PIP5K1B: variants seen among roughly 807,000 people sequenced by gnomAD.
The protein encoded by PIP5K1B is phosphatidylinositol 4-phosphate 5-kinase type-1 beta.
Under a neutral mutation model 67.0 loss-of-function variants are expected in PIP5K1B, and 42 were observed. The observed-to-expected ratio is 0.63, with a 90% CI of 0.49 to 0.81. The LOEUF (loss-of-function observed/expected upper bound fraction) is 0.81, where lower values mean the gene tolerates loss of function less well. Ranked by LOEUF, PIP5K1B falls within the 30% of genes least tolerant of loss-of-function variation. The pLI is 0.00. For missense variants in PIP5K1B, 459 were observed against 646.3 expected (o/e 0.71, Z 3.14); for synonymous variants, 214 against 231.4 (o/e 0.92, Z 0.68).
intron 14 of PIP5K1B, among the ~76,000 whole-genome samples, chr9:68,981,127 G>C (rs574447732): frequency 9.3e-4 from 142 of 152,278 alleles, no homozygotes; most frequent in Admixed American, 1.5e-3. Context: ...ACAAAGTAGA[G>C]ATAAAAGTTG....
In PIP5K1B at chr9:68,940,629, G is replaced by T; in HGVS notation, c.1358-17G>T. The T allele has an allele frequency of 6.2e-7, 1 of 1,611,716 alleles. No homozygotes were observed. Among genetic ancestry groups the T allele is most frequent in the Non-Finnish European group, 8.5e-7 (1 of 1,178,332 alleles). ...ATCCTTGAGATTCATGAATGTGTGT[G>T]TTGCTTTCGTTCCTAGCCCTGGGAT... On this transcript the variant is annotated splice_polypyrimidine_tract_variant and intron_variant, in intron 13 of 15. Coordinates refer to ENST00000265382, the MANE Select transcript of PIP5K1B (RefSeq NM_003558.4).
At chr9:68,903,491 T>A (rs963299957) in intron 8 of PIP5K1B, among the ~76,000 whole-genome samples, 2 of 152,202 alleles carry the variant, frequency 1.3e-5, no homozygotes, top group Non-Finnish European at 2.9e-5. Context: ...ATCCTCTCAG[T>A]TTTTATTTAG....
intron 4 of PIP5K1B, among the ~76,000 whole-genome samples, chr9:68,860,423 A>G (rs1324477932): frequency 6.6e-6 from 1 of 152,134 alleles, no homozygotes; most frequent in African/African-American, 2.4e-5. Context: ...GACATTAACG[A>G]TGGTGTTTGT....
At position 68,988,314 on chromosome 9, in the gene PIP5K1B, A is replaced by G. The variant is rs193113655; in HGVS notation, c.1503-2826A>G. Among the ~76,000 whole-genome samples the G allele has an allele frequency of 5.8e-3, 872 of 151,498 alleles. 8 individuals are homozygous for G. Among genetic ancestry groups the G allele is most frequent in the African/African-American group, 0.019 (789 of 41,450 alleles). On this transcript the variant is annotated intron_variant, in intron 14 of 15. Transcript: ENST00000265382. ...ACACTTCCGGAATATTCTTTTATAT[A>G]TAAGAGCTTCCAGAATATTCTTTTA...
chr9:68,770,916 A>G (rs770400604), intron 2 of PIP5K1B, among the ~76,000 whole-genome samples: 16 of 152,232 alleles, frequency 1.1e-4, no homozygotes, highest in Non-Finnish European at 2.2e-4. Flanking sequence ...GTAAGTAACT[A>G]TATATGACAG....
Position 68,721,947 on chromosome 9 carries a change from T to C in PIP5K1B, c.-243+16185T>C, listed in dbSNP as rs145987661. Among the ~76,000 whole-genome samples, 34 of 152,286 alleles carry C rather than the reference T, an allele frequency of 2.2e-4. No individual in the cohort carries two copies. The East Asian group carries it at 6.4e-3, about 29-fold the overall frequency. The stretch of plus-strand genomic sequence containing the variant: ...TTAAGGAAATGGCATCAGATTTTCA[T>C]GATAGCATGTACAGCCTACTGTTTC... On this transcript the variant is annotated intron_variant, in intron 1 of 15. Coordinates refer to ENST00000265382, the MANE Select transcript of PIP5K1B (RefSeq NM_003558.4).
chr9:68,786,872 A>G (rs1831649261), intron 2 of PIP5K1B, among the ~76,000 whole-genome samples: 1 of 152,196 alleles, frequency 6.6e-6, no homozygotes, highest in African/African-American at 2.4e-5. Context: ...CATACCCTCC[A>G]CGGTAACCAT....
chr9:68,773,352 T>C (rs1425973900), intron 2 of PIP5K1B, among the ~76,000 whole-genome samples: 6 of 151,150 alleles, frequency 4.0e-5, no homozygotes, highest in Non-Finnish European at 7.4e-5. Context: ...CCTAGGAGGG[T>C]TTTAATGTCA....
chr9:68,958,214 T>C (rs547234129), intron 14 of PIP5K1B, among the ~76,000 whole-genome samples: 1 of 152,196 alleles, frequency 6.6e-6, no homozygotes, highest in South Asian at 2.1e-4. Flanking sequence ...ATATAATGGG[T>C]AGAATATCCT....
intron 4 of PIP5K1B, among the ~76,000 whole-genome samples, chr9:68,838,258 AT>A (rs1158639864): frequency 6.6e-6 from 1 of 151,538 alleles, no homozygotes; most frequent in Non-Finnish European, 1.5e-5. Flanking sequence ...GTAAATTATC[AT>A]TTTTCTCCTT....
chr9:68,844,595 G>A (rs537055048), intron 4 of PIP5K1B, among the ~76,000 whole-genome samples: 3 of 141,290 alleles, frequency 2.1e-5, no homozygotes, highest in East Asian at 4.0e-4. Flanking sequence ...GGGAGATCCA[G>A]TGGGGGAGAT....
At chr9:68,982,676 C>T (rs1459694973) in intron 14 of PIP5K1B, among the ~76,000 whole-genome samples, 3 of 151,886 alleles carry the variant, frequency 2.0e-5, no homozygotes, top group East Asian at 1.9e-4. Flanking sequence ...GCAGGAGAAT[C>T]GCTTAAGCCC....
At chr9:68,878,099 G>T (rs938638065) in intron 6 of PIP5K1B, among the ~76,000 whole-genome samples, 10 of 151,396 alleles carry the variant, frequency 6.6e-5, no homozygotes, top group South Asian at 2.1e-4. Flanking sequence ...ATTACTGAGG[G>T]TTGCCATCAT....
At chr9:68,966,173 A>C (rs1829022197) in intron 14 of PIP5K1B, among the ~76,000 whole-genome samples, 1 of 152,162 alleles carries the variant, frequency 6.6e-6, no homozygotes, top group East Asian at 1.9e-4. Context: ...GATTGAATAA[A>C]TAAATAAATG....
At chr9:69,008,106 G>T (rs1831171356) in intron 15 of PIP5K1B, among the ~76,000 whole-genome samples, 1 of 152,120 alleles carries the variant, frequency 6.6e-6, no homozygotes, top group African/African-American at 2.4e-5. Context: ...TGTTCTTTTT[G>T]GCTTCAGATC....
At chr9:68,778,279 G>A (rs1458194391) in intron 2 of PIP5K1B, among the ~76,000 whole-genome samples, 1 of 152,178 alleles carries the variant, frequency 6.6e-6, no homozygotes, top group Middle Eastern at 3.2e-3. Flanking sequence ...TCTATGCAGT[G>A]AGGATTAAGT....
chr9:68,757,458 A>G (rs1172750480), intron 2 of PIP5K1B, among the ~76,000 whole-genome samples: 1 of 152,066 alleles, frequency 6.6e-6, no homozygotes, highest in Non-Finnish European at 1.5e-5. Context: ...GAAGAGAACT[A>G]GGGGGCTTCA....
At chr9:68,711,610 G>A (rs151310675) in intron 1 of PIP5K1B, among the ~76,000 whole-genome samples, 3 of 152,032 alleles carry the variant, frequency 2.0e-5, no homozygotes, top group African/African-American at 7.2e-5. Context: ...ATTATTTTTC[G>A]AACCATTTTA....
intron 4 of PIP5K1B, among the ~76,000 whole-genome samples, chr9:68,833,263 G>A (rs1376767040): frequency 2.0e-5 from 3 of 152,258 alleles, no homozygotes. Flanking sequence ...CCCTAAGGAG[G>A]CAGCACAGGG....
Sources: allele counts gnomAD v4.1 joint callset (sites outside exome capture counted in the v4.1 genomes callset), GRCh38; gene constraint gnomAD v4.1.1; transcripts MANE v1.5; gene names NCBI Gene and HGNC (gene_info 2026-07-23, HGNC 2026-07-21).